Variants in LRRC4C observed in about 807,000 individuals in gnomAD.
The protein encoded by LRRC4C is leucine-rich repeat-containing protein 4C.
LRRC4C carries 5 observed loss-of-function variants against 33.6 expected under a neutral mutation model. The ratio of observed to expected loss-of-function variants is 0.15; its 90% CI spans 0.08 to 0.31. LRRC4C has a LOEUF of 0.31. LRRC4C is among the 10% of genes least tolerant of loss of function. The pLI, the probability that LRRC4C is intolerant of heterozygous loss-of-function variation, is 1.00. For synonymous variants in LRRC4C, 329 were observed against 302.0 expected (o/e 1.09, Z -0.93); for missense variants, 560 against 796.7 (o/e 0.70, Z 3.58).
Position 40,728,625 on chromosome 11 carries a change from C to CAAAAA in LRRC4C, c.-406-80352_-406-80348dup, listed in dbSNP as rs60355454. ...TGGGTGACAGAGTCAGACTCCGTCT[C>CAAAAA]AAAAAAAAAAAAAAAAAAAAAAATT... On this transcript the variant is annotated intron_variant, in intron 2 of 6. Transcript: ENST00000528697. 2.8e-3 allele frequency among the ~76,000 whole-genome samples: 146 copies of CAAAAA among 51,230 alleles called. 7 individuals carry two copies. The highest frequency in any genetic ancestry group is 4.3e-3 in the Non-Finnish European group (119 of 27,564). The allele number at this position is 51,230 out of a possible 152,430, so 33.6% of individuals were successfully genotyped here. A position where few individuals can be genotyped will look rare whatever the true frequency, so the allele number is the denominator to read the frequency against.
At chr11:40,139,198 G>GA (rs5791359) in intron 6 of LRRC4C, among the ~76,000 whole-genome samples, 4,530 of 152,266 alleles carry the variant, frequency 0.03, 223 homozygotes, top group African/African-American at 0.1. Flanking sequence ...CAGAGTGCTA[G>GA]AGAGAAAAAC....
chr11:40,399,305 T>A lies in LRRC4C; in HGVS notation c.-269-79584A>T, dbSNP rs551231202. ...ACCCAAATGTCCAACAATGATAGAC[T>A]GGATTAAGAAAATGTGGCACATATA... is the stretch of plus-strand genomic sequence containing the variant. On this transcript the variant is annotated intron_variant, in intron 3 of 6. Coordinates refer to ENST00000528697, the MANE Select transcript of LRRC4C (RefSeq NM_001258419.2). Among the ~76,000 whole-genome samples, 8 of 152,190 alleles carry A rather than the reference T, an allele frequency of 5.3e-5. No homozygotes were observed. The South Asian group carries it at 1.7e-3, about 32-fold the overall frequency.
intron 1 of LRRC4C, among the ~76,000 whole-genome samples, chr11:41,396,258 G>T (rs1164747055): frequency 6.6e-6 from 1 of 151,816 alleles, no homozygotes; most frequent in Non-Finnish European, 1.5e-5. Flanking sequence ...GAGGAGTAAG[G>T]GTCTAAAAAC....
At chr11:41,243,920 G>A (rs952756709) in intron 1 of LRRC4C, among the ~76,000 whole-genome samples, 24 of 152,130 alleles carry the variant, frequency 1.6e-4, no homozygotes, top group African/African-American at 4.8e-4. Context: ...GATTTTAAGT[G>A]ATTGACCTAA....
chr11:40,849,559 G>T (rs1294690073), intron 2 of LRRC4C, among the ~76,000 whole-genome samples: 2 of 152,070 alleles, frequency 1.3e-5, no homozygotes, highest in Non-Finnish European at 2.9e-5. Context: ...CTCTCTGGCT[G>T]CCCTTAACAT....
chr11:41,160,737 G>T (rs1181325931), intron 1 of LRRC4C, among the ~76,000 whole-genome samples: 1 of 152,072 alleles, frequency 6.6e-6, no homozygotes, highest in Non-Finnish European at 1.5e-5. Flanking sequence ...TCTAGCAAAG[G>T]ATACAGACAC....
chr11:41,264,182 C>T (rs1949075568), intron 1 of LRRC4C, among the ~76,000 whole-genome samples: 2 of 150,910 alleles, frequency 1.3e-5, no homozygotes, highest in African/African-American at 2.4e-5. Context: ...ACCTCCGCCT[C>T]CTGGGTTCAG....
chr11:40,815,290 A>G (rs890402413), intron 2 of LRRC4C, among the ~76,000 whole-genome samples: 10 of 152,128 alleles, frequency 6.6e-5, no homozygotes, highest in Non-Finnish European at 1.3e-4. Flanking sequence ...CTTATTCACT[A>G]TCGTAAGAAC....
intron 1 of LRRC4C, among the ~76,000 whole-genome samples, chr11:41,297,707 G>C (rs1394462644): frequency 2.0e-5 from 3 of 151,988 alleles, no homozygotes; most frequent in African/African-American, 7.2e-5. Flanking sequence ...GAAGTAAAAA[G>C]TTTTACATTT....
rs538067928 is a variant in LRRC4C, at chr11:41,232,410, A to G, written c.-496+227021T>C. Reference sequence around the variant, plus strand: ...TAAATGTTAGTGGCACTTGTTTCCCATCAGACATAACAATCAAAAATGCCT... The same window carrying G: ...TAAATGTTAGTGGCACTTGTTTCCCGTCAGACATAACAATCAAAAATGCCT... On this transcript the variant is annotated intron_variant, in intron 1 of 6. Coordinates refer to ENST00000528697, the MANE Select transcript of LRRC4C (RefSeq NM_001258419.2). Among the ~76,000 whole-genome samples, 152 of 152,190 alleles carry G rather than the reference A, an allele frequency of 1.0e-3. 1 individual carries two copies. The highest frequency in any genetic ancestry group is 3.4e-3 in the African/African-American group (142 of 41,556).
chr11:40,521,854 C>A (rs997057457), intron 3 of LRRC4C, among the ~76,000 whole-genome samples: 1 of 150,604 alleles, frequency 6.6e-6, no homozygotes, highest in Non-Finnish European at 1.5e-5. Flanking sequence ...GGTGACAGAG[C>A]GAGACACCGT....
chr11:40,265,994 C>T (rs937367905), intron 4 of LRRC4C, among the ~76,000 whole-genome samples: 4 of 152,098 alleles, frequency 2.6e-5, no homozygotes. Context: ...TCCAATGTGA[C>T]TTTGTTTTAA....
chr11:40,499,880 T>C (rs1954657765), intron 3 of LRRC4C, among the ~76,000 whole-genome samples: 1 of 151,966 alleles, frequency 6.6e-6, no homozygotes, highest in African/African-American at 2.4e-5. Flanking sequence ...AACATCGTCA[T>C]GGGAGAGAAA....
chr11:41,142,297 G>A (rs996145462), intron 1 of LRRC4C, among the ~76,000 whole-genome samples: 2 of 152,294 alleles, frequency 1.3e-5, no homozygotes, highest in Admixed American at 1.3e-4. Flanking sequence ...CCTTCAGAGA[G>A]CTTACAGTTC....
At chr11:41,049,013 T>A (rs576224704) in intron 1 of LRRC4C, among the ~76,000 whole-genome samples, 1 of 152,330 alleles carries the variant, frequency 6.6e-6, no homozygotes, top group South Asian at 2.1e-4. Flanking sequence ...GTACTAGGTA[T>A]GTAGAGCTTG....
Position 40,385,892 on chromosome 11 carries a change from A to AAATG in LRRC4C, c.-269-66172_-269-66171insCATT, listed in dbSNP as rs141949687. On this transcript the variant is annotated intron_variant, in intron 3 of 6. Coordinates refer to ENST00000528697, the MANE Select transcript of LRRC4C (RefSeq NM_001258419.2). ...TAAATAAATAAATAAATAAATAAAT[A>AAATG]AAATAAAATAAAATAAAAAAATAAA... Among the ~76,000 whole-genome samples the AAATG allele has an allele frequency of 3.4e-5, 4 of 116,776 alleles. No individual in the cohort carries two copies. In the East Asian group the frequency reaches 1.0e-3, roughly 30 times the overall value. The allele number at this position is 116,776 out of a possible 152,430, so 76.6% of individuals were successfully genotyped here.
intron 1 of LRRC4C, among the ~76,000 whole-genome samples, chr11:41,433,183 G>C (rs919104705): frequency 1.3e-5 from 2 of 152,136 alleles, no homozygotes; most frequent in African/African-American, 4.8e-5. Flanking sequence ...TTATTTAGTT[G>C]TGAAATCTAT....
chr11:40,154,051 TAAAGGAA>T (rs1858451033), intron 5 of LRRC4C, among the ~76,000 whole-genome samples: 1 of 152,038 alleles, frequency 6.6e-6, no homozygotes, highest in South Asian at 2.1e-4. Flanking sequence ...AGGTAACCTA[TAAAGGAA>T]AATCTATCAG....
chr11:41,369,725 C>A (rs1254566917), intron 1 of LRRC4C, among the ~76,000 whole-genome samples: 4 of 151,948 alleles, frequency 2.6e-5, no homozygotes, highest in African/African-American at 7.3e-5. Context: ...CATGGAATGG[C>A]AGAATGCTCA....
Sources: gnomAD v4.1 joint callset for allele counts (sites outside exome capture counted in the v4.1 genomes callset) on GRCh38, gnomAD v4.1.1 for gene constraint, MANE v1.5 for transcripts, NCBI Gene and HGNC (gene_info 2026-07-23, HGNC 2026-07-21) for gene names.